The following TESMIN variants were observed in gnomAD, a reference collection of about 807,000 sequenced individuals.
TESMIN encodes CXC domain containing 2.
In TESMIN, 34 loss-of-function variants were observed where a neutral mutation model predicts 47.4. That is an observed-to-expected ratio of 0.72 (90% confidence interval 0.55 to 0.96). The LOEUF (loss-of-function observed/expected upper bound fraction) is 0.96, where lower values mean the gene tolerates loss of function less well. Ranked by LOEUF, TESMIN falls within the 40% of genes least tolerant of loss-of-function variation. The pLI, the probability that TESMIN is intolerant of heterozygous loss-of-function variation, is 0.00. For synonymous variants in TESMIN, 278 were observed against 258.9 expected, an observed-to-expected ratio of 1.07 and a Z score of -0.71; for missense variants, 610 against 637.2, an observed-to-expected ratio of 0.96 and a Z score of 0.46.
At chr11:68,749,066 C>T (rs777324169) in intron 2 of TESMIN, among the ~76,000 whole-genome samples, 4 of 152,158 alleles carry the variant, frequency 2.6e-5, no homozygotes, top group East Asian at 1.9e-4. Context: ...GGAAATGAGC[C>T]GAGCTAGGAC....
At chr11:68,728,472 AC>A (rs1946290913) in intron 6 of TESMIN, among the ~76,000 whole-genome samples, 1 of 152,270 alleles carries the variant, frequency 6.6e-6, no homozygotes, top group Non-Finnish European at 1.5e-5. Context: ...ACGGAAAAGT[AC>A]AAGGTGAAGC....
intron 6 of TESMIN, among the ~76,000 whole-genome samples, chr11:68,730,649 G>T (rs1358359099): frequency 6.6e-6 from 1 of 151,996 alleles, no homozygotes; most frequent in Non-Finnish European, 1.5e-5. Context: ...GCAAAAATTA[G>T]CTGGGCATGG....
At chr11:68,740,217 T>G (rs1027313373) in intron 5 of TESMIN, among the ~76,000 whole-genome samples, 1 of 152,194 alleles carries the variant, frequency 6.6e-6, no homozygotes, top group Non-Finnish European at 1.5e-5. Flanking sequence ...GTTCTGCACT[T>G]CTTAACAAGC....
intron 4 of TESMIN, among the ~76,000 whole-genome samples, chr11:68,743,234 CTTTT>C (rs57435562): frequency 1.5e-4 from 19 of 123,044 alleles, no homozygotes; most frequent in African/African-American, 5.2e-4. Flanking sequence ...ACAGGAACTA[CTTTT>C]TTTTTTTTTT....
chr11:68,710,936 C>T lies in TESMIN; in HGVS notation c.1272G>A (p.Leu424=), dbSNP rs755310938. The T allele has an allele frequency of 9.9e-6, 16 of 1,614,036 alleles. No homozygotes were observed. In the South Asian group the frequency reaches 1.8e-4, roughly 18 times the overall value. ...SMPNYMQTGG[L]EGSHYLPPTK... The stretch of plus-strand genomic sequence containing the variant: ...TTGGTGGCAGGTAATGGCTGCCTTC[C>T]AAACCTCCAGTCTGCATGTAGTTTG... The change falls in exon 9 of 10, where the codon TTG becomes TTA. Residue 424 remains leucine (L), a synonymous_variant. Transcript: ENST00000255087.
At chr11:68,736,673 T>C in intron 6 of TESMIN, 1 of 981,604 alleles carries the variant, frequency 1.0e-6, no homozygotes, top group African/African-American at 1.7e-5. Context: ...CCGTTTACAA[T>C]AGAGAAATAT....
chr11:68,748,011 C>T (rs186618851), intron 2 of TESMIN, among the ~76,000 whole-genome samples: 1 of 152,188 alleles, frequency 6.6e-6, no homozygotes, highest in African/African-American at 2.4e-5. Context: ...GTGAGGAGGA[C>T]TGGGAAACCC....
At chr11:68,737,979 G>A (rs1946408080) in intron 6 of TESMIN, 2 of 985,670 alleles carry the variant, frequency 2.0e-6, no homozygotes, top group South Asian at 9.4e-5. Flanking sequence ...ACACCTCTTG[G>A]AGGCAGGAAT....
chr11:68,726,307 G>A (rs1472059310), intron 6 of TESMIN, among the ~76,000 whole-genome samples: 1 of 151,416 alleles, frequency 6.6e-6, no homozygotes, highest in Admixed American at 6.6e-5. Context: ...AATTCATACT[G>A]TGCAGCCTAA....
intron 6 of TESMIN, among the ~76,000 whole-genome samples, chr11:68,717,079 C>T (rs1044220065): frequency 2.0e-5 from 3 of 152,370 alleles, no homozygotes; most frequent in Non-Finnish European, 2.9e-5. Flanking sequence ...TGCAGGAACA[C>T]GGCGAGGGCC....
At chr11:68,717,438 A>G (rs1946153256) in intron 6 of TESMIN, among the ~76,000 whole-genome samples, 3 of 151,970 alleles carry the variant, frequency 2.0e-5, no homozygotes, top group African/African-American at 7.3e-5. Flanking sequence ...ATTAGAGACA[A>G]CTCCACTCCA....
chr11:68,716,024 G>T, intron 6 of TESMIN, 85 bp from the exon 7 acceptor site: 1 of 891,914 alleles, frequency 1.1e-6, no homozygotes, highest in Non-Finnish European at 1.8e-6. Context: ...TAAGGAAAGA[G>T]CGGGCAGTGT....
At chr11:68,716,208 C>T (rs1946137482) in intron 6 of TESMIN, among the ~76,000 whole-genome samples, 1 of 152,224 alleles carries the variant, frequency 6.6e-6, no homozygotes, top group Non-Finnish European at 1.5e-5. Context: ...CCTGTCAAAT[C>T]CATTGCATCA....
At position 68,745,042 on chromosome 11, in the gene TESMIN, C is replaced by T. The variant is rs1350443668; in HGVS notation, c.700G>A (p.Ala234Thr). 2 of 1,593,096 alleles carry T rather than the reference C, an allele frequency of 1.3e-6. No homozygotes were observed. The highest frequency in any genetic ancestry group is 1.7e-6 in the Non-Finnish European group (2 of 1,174,308). Residue 234 changes from alanine (A) to threonine (T), a missense_variant, in exon 4 of 10, where the codon GCA becomes ACA. Physicochemically the swap from Ala to Thr is moderately conservative, Grantham distance 58 (BLOSUM62 0). Transcript: ENST00000255087. ...IDNSRTRELK[A>T]LHLVPQYQDQ... The stretch of plus-strand genomic sequence containing the variant: ...TGATACTGAGGAACCAAATGGAGTG[C>T]TTTTAGTTCTCTTGTTCTAGAATTG...
chr11:68,734,099 GAAC>G (rs1432520607), intron 6 of TESMIN, among the ~76,000 whole-genome samples: 1 of 152,152 alleles, frequency 6.6e-6, no homozygotes, highest in East Asian at 1.9e-4. Flanking sequence ...ACAAATTAAA[GAAC>G]AATAGATGAA....
chr11:68,728,989 T>G (rs1284326830), intron 6 of TESMIN, among the ~76,000 whole-genome samples: 1 of 152,258 alleles, frequency 6.6e-6, no homozygotes, highest in East Asian at 1.9e-4. Flanking sequence ...ATTGTTCTCA[T>G]GCCTGCAAAC....
At chr11:68,709,502 A>G (rs980887572) in intron 9 of TESMIN, among the ~76,000 whole-genome samples, 1 of 152,248 alleles carries the variant, frequency 6.6e-6, no homozygotes, top group Non-Finnish European at 1.5e-5. Flanking sequence ...ACCGCATCAC[A>G]TAGCGCCAGC....
chr11:68,750,262 G>A lies in TESMIN; in HGVS notation c.399C>T (p.Arg133=). The change falls in exon 2 of 10, where the codon CGC becomes CGT. Residue 133 remains arginine, a synonymous_variant. Coordinates refer to ENST00000255087, the MANE Select transcript of TESMIN (RefSeq NM_004923.3). ...HFLSSLLPAH[R]SPAVLPLGAW... is the part of the protein sequence containing the mutation. ...CGCCCAGGGGCAACACCGCCGGGCT[G>A]CGGTGCGCGGGTAGCAGCGAGGACA... The A allele has an allele frequency of 6.5e-7, 1 of 1,545,274 alleles. No individual in the cohort carries two copies. Among genetic ancestry groups the A allele is most frequent in the Non-Finnish European group, 8.7e-7 (1 of 1,155,194 alleles).
intron 3 of TESMIN, among the ~76,000 whole-genome samples, chr11:68,745,372 A>T (rs1161659362): frequency 6.6e-6 from 1 of 152,014 alleles, no homozygotes; most frequent in African/African-American, 2.4e-5. Flanking sequence ...AACAGAAAAA[A>T]GTTCCTGTGC....
Sources: allele counts gnomAD v4.1 joint callset (sites outside exome capture counted in the v4.1 genomes callset), GRCh38; gene constraint gnomAD v4.1.1; transcripts MANE v1.5; gene names NCBI Gene and HGNC (gene_info 2026-07-23, HGNC 2026-07-21).